Variants in LPCAT1 observed in about 807,000 individuals in gnomAD.
LPCAT1 encodes lysophosphatidylcholine acyltransferase 1, also known as 1-acylglycerol-3-phosphate O-acyltransferase.
LPCAT1 carries 23 observed loss-of-function variants against 60.9 expected under a neutral mutation model. The ratio of observed to expected loss-of-function variants is 0.38; its 90% CI spans 0.27 to 0.53. The LOEUF (loss-of-function observed/expected upper bound fraction) is 0.53, where lower values mean the gene tolerates loss of function less well. Among genes scored for constraint, LPCAT1 ranks in the 20% least tolerant of loss-of-function variants. LPCAT1 has a pLI of 0.82. For synonymous variants in LPCAT1, 340 were observed against 301.1 expected (o/e 1.13, Z -1.34); for missense variants, 622 against 723.6 (o/e 0.86, Z 1.61).
At chr5:1,508,124 C>T (rs766522612) in intron 1 of LPCAT1, among the ~76,000 whole-genome samples, 2 of 152,076 alleles carry the variant, frequency 1.3e-5, no homozygotes, top group African/African-American at 4.8e-5. Flanking sequence ...GTGAGAAGTC[C>T]GTGTCTGCTG....
At chr5:1,505,777 T>C (rs1736166760) in intron 1 of LPCAT1, among the ~76,000 whole-genome samples, 1 of 152,172 alleles carries the variant, frequency 6.6e-6, no homozygotes, top group Admixed American at 6.5e-5. Context: ...CACCTGACCC[T>C]CACCTCACAC....
In LPCAT1 at chr5:1,523,813, G is replaced by A. The variant is rs1450229397; in HGVS notation, c.32C>T (p.Ala11Val). 2.7e-6 allele frequency: 3 copies of A among 1,092,768 alleles called. No individual in the cohort carries two copies. Among genetic ancestry groups the A allele is most frequent in the Non-Finnish European group, 3.3e-6 (3 of 899,560 alleles). 67.7% of individuals were successfully genotyped at this position (1,092,768 alleles called of 1,614,324 possible). A position where few individuals can be genotyped will look rare whatever the true frequency, so the allele number is the denominator to read the frequency against. The change falls in exon 1 of 14, where the codon GCC (alanine) becomes GTC (valine). Residue 11 changes from alanine (A) to valine (V), a missense_variant. By Grantham distance (64) the Ala-to-Val change is moderately conservative. Transcript: ENST00000283415. This position sits in a 1 kb window ranked among gnomAD's most constrained non-coding sequence, Gnocchi z 7.1. MRLRGCGPRAAPASSAGASDA... is the reference protein window; with the variant it reads MRLRGCGPRAVPASSAGASDA... ...GCTGGCCCCTGCGCTGGAGGCAGGGGCGGCCCGGGGTCCGCATCCCCGCAG... is the reference window on the plus strand; with the variant it reads ...GCTGGCCCCTGCGCTGGAGGCAGGGACGGCCCGGGGTCCGCATCCCCGCAG...
chr5:1,507,595 C>T (rs546375747), intron 1 of LPCAT1, among the ~76,000 whole-genome samples: 1 of 152,330 alleles, frequency 6.6e-6, no homozygotes, highest in South Asian at 2.1e-4. Flanking sequence ...CAGCACGGCG[C>T]AGCCCACATC....
intron 1 of LPCAT1, among the ~76,000 whole-genome samples, chr5:1,506,426 C>A (rs918849817): frequency 3.9e-5 from 6 of 152,218 alleles, no homozygotes; most frequent in Non-Finnish European, 8.8e-5. Context: ...ACCTTCTGCC[C>A]ACCTGTCTCC....
In LPCAT1 at chr5:1,483,610, G is replaced by A. The variant is rs1300912615; in HGVS notation, c.668-124C>T. The A allele has an allele frequency of 2.4e-5, 21 of 878,826 alleles. No homozygotes were observed. Among genetic ancestry groups the A allele is most frequent in the Middle Eastern group, 6.2e-4 (2 of 3,246 alleles). The allele number at this position is 878,826 out of a possible 1,614,324, so 54.4% of individuals were successfully genotyped here. Reference sequence around the variant, plus strand: ...TGTCTAGGCCTTCCTGGTCAGCAAGGGCACTCCATGCCTGGACTATCTCAA... The same window carrying A: ...TGTCTAGGCCTTCCTGGTCAGCAAGAGCACTCCATGCCTGGACTATCTCAA... On this transcript the variant is annotated intron_variant, in intron 5 of 13. Coordinates refer to ENST00000283415, the MANE Select transcript of LPCAT1 (RefSeq NM_024830.5). The surrounding 1 kb of genome is among the most constrained non-coding windows in gnomAD (Gnocchi z 9.2).
rs1735103030 is a variant in LPCAT1 at position 1,480,662 on chromosome 5, G to A, written c.761+280C>T. Among the ~76,000 whole-genome samples, 2 of 152,112 alleles carry A rather than the reference G, an allele frequency of 1.3e-5. No individual in the cohort carries two copies. The highest frequency in any genetic ancestry group is 1.9e-4 in the East Asian group (1 of 5,180). On this transcript the variant is annotated intron_variant, in intron 7 of 13. Coordinates refer to ENST00000283415, the MANE Select transcript of LPCAT1 (RefSeq NM_024830.5). The surrounding 1 kb of genome is among the most constrained non-coding windows in gnomAD (Gnocchi z 6.4). ...CCTTACCAGGGGCCACCAGGTGGAC[G>A]ATCGTAATTACTGAGCTGGCAAACT...
At chr5:1,465,185 GCA>G (rs1299512139) in intron 13 of LPCAT1, among the ~76,000 whole-genome samples, 1 of 137,236 alleles carries the variant, frequency 7.3e-6, no homozygotes, top group Non-Finnish European at 1.5e-5. Flanking sequence ...CAAAACAAGC[GCA>G]CGCGCACACA....
At chr5:1,468,542 G>A (rs1734534275) in intron 12 of LPCAT1, among the ~76,000 whole-genome samples, 1 of 152,226 alleles carries the variant, frequency 6.6e-6, no homozygotes, top group Non-Finnish European at 1.5e-5. Context: ...CATCCTCGGA[G>A]CCTCGTGTAG....
chr5:1,479,786 G>A, intron 7 of LPCAT1, 111 bp from the exon 8 acceptor site: 1 of 822,538 alleles, frequency 1.2e-6, no homozygotes, highest in South Asian at 1.5e-5. Flanking sequence ...GGGCGCTACT[G>A]GGCAGTCAAC....
chr5:1,489,624 C>T (rs1439943919), intron 4 of LPCAT1, 122 bp downstream of exon 4: 3 of 809,290 alleles, frequency 3.7e-6, no homozygotes, highest in Non-Finnish European at 6.6e-6. Flanking sequence ...CACGCACTCA[C>T]TAGGAGAAGA....
intron 1 of LPCAT1, among the ~76,000 whole-genome samples, chr5:1,520,253 C>T (rs1736630021): frequency 6.6e-6 from 1 of 152,268 alleles, no homozygotes; most frequent in African/African-American, 2.4e-5. Flanking sequence ...CGGAGTCCTG[C>T]TCCTGAGTTT....
At position 1,522,035 on chromosome 5, in the gene LPCAT1, T is replaced by C. The variant is rs1736692511; in HGVS notation, c.135+1675A>G. ...GACCTCCAGGGAGGGGCTTGATGTT[T>C]CCCCCCAGGGAGCCAGGAGGGAGTA... is the stretch of plus-strand genomic sequence containing the variant. On this transcript the variant is annotated intron_variant, in intron 1 of 13. Coordinates refer to ENST00000283415, the MANE Select transcript of LPCAT1 (RefSeq NM_024830.5). This position sits in a 1 kb window ranked among gnomAD's most constrained non-coding sequence, Gnocchi z 6.8. 6.6e-6 allele frequency among the ~76,000 whole-genome samples: 1 copy of C among 151,974 alleles called. No homozygotes were observed. Among genetic ancestry groups the C allele is most frequent in the Non-Finnish European group, 1.5e-5 (1 of 67,974 alleles).
intron 3 of LPCAT1, among the ~76,000 whole-genome samples, chr5:1,490,524 A>C (rs1304136209): frequency 1.3e-5 from 2 of 152,212 alleles, no homozygotes; most frequent in Non-Finnish European, 2.9e-5. Context: ...GGGAGCTTTC[A>C]GAAGAGCCCA....
chr5:1,503,712 CA>C (rs1736098147), intron 1 of LPCAT1, among the ~76,000 whole-genome samples: 1 of 152,222 alleles, frequency 6.6e-6, no homozygotes, highest in Admixed American at 6.5e-5. Flanking sequence ...TCACTGTTTC[CA>C]ACCCTACTGT....
chr5:1,474,245 C>T, intron 10 of LPCAT1, 135 bp from the exon 11 acceptor site: 1 of 1,033,110 alleles, frequency 9.7e-7, no homozygotes, highest in Non-Finnish European at 1.4e-6. Context: ...AAAAGGCATT[C>T]TCCTAATTGG....
In LPCAT1 at chr5:1,476,397, C is replaced by A. The variant is rs144503891; in HGVS notation, c.899+1007G>T. ...TGCTTTGGGAGGGAGAGGATGGGAA[C>A]GTGAGGGAACGGGCCGCCCAGCTGA... On this transcript the variant is annotated intron_variant, in intron 9 of 13. Coordinates refer to ENST00000283415, the MANE Select transcript of LPCAT1 (RefSeq NM_024830.5). The surrounding 1 kb of genome is among the most constrained non-coding windows in gnomAD (Gnocchi z 8.6). Among the ~76,000 whole-genome samples the A allele has an allele frequency of 6.6e-6, 1 of 152,216 alleles. No individual in the cohort carries two copies. The highest frequency in any genetic ancestry group is 1.5e-5 in the Non-Finnish European group (1 of 68,032).
intron 6 of LPCAT1, among the ~76,000 whole-genome samples, chr5:1,482,722 T>TGGGGG (rs1462847313): frequency 8.7e-4 from 4 of 4,612 alleles, no homozygotes; most frequent in African/African-American, 1.5e-3. Context: ...CAGGCTGGGG[T>TGGGGG]GGGGTGGGGT....
intron 5 of LPCAT1, among the ~76,000 whole-genome samples, chr5:1,485,896 C>T (rs1218651501): frequency 6.6e-6 from 1 of 152,230 alleles, no homozygotes; most frequent in Non-Finnish European, 1.5e-5. Context: ...CGTCCACTTC[C>T]AACAGCCACA....
intron 3 of LPCAT1, among the ~76,000 whole-genome samples, chr5:1,493,274 T>C (rs1267396260): frequency 6.6e-6 from 1 of 152,232 alleles, no homozygotes; most frequent in African/African-American, 2.4e-5. Context: ...AGGCACAGTC[T>C]GGACACCTTC....
Sources: gnomAD v4.1 joint callset for allele counts (sites outside exome capture counted in the v4.1 genomes callset) on GRCh38, gnomAD v4.1.1 for gene constraint, Gnocchi (gnomAD v3.1) non-coding constraint, MANE v1.5 for transcripts, NCBI Gene and HGNC (gene_info 2026-07-23, HGNC 2026-07-21) for gene names.